Variants in USP34 observed in about 807,000 individuals in gnomAD.
USP34 encodes ubiquitin specific peptidase 34, also known as ubiquitin carboxyl-terminal hydrolase 34.
Under a neutral mutation model 460.3 loss-of-function variants are expected in USP34, and 70 were observed. The observed-to-expected ratio is 0.15, with a 90% CI of 0.13 to 0.19. The LOEUF is 0.19. Among genes scored for constraint, USP34 ranks in the 10% least tolerant of loss-of-function variants. USP34 has a pLI of 1.00. For synonymous variants in USP34, 1,647 were observed against 1,405.3 expected (o/e 1.17, Z -3.85); for missense variants, 3,985 against 4,236.2 (o/e 0.94, Z 1.65).
At position 61,188,577 on chromosome 2, in the gene USP34, T is replaced by C. The variant is rs1272942208; in HGVS notation, c.10166A>G (p.Glu3389Gly). The change falls in exon 80 of 80, where the codon GAG becomes GGG. Residue 3389 changes from glutamate to glycine, a missense_variant. Glu to Gly is a moderately conservative substitution (Grantham distance 98, BLOSUM62 -2). Coordinates refer to ENST00000398571, the MANE Select transcript of USP34 (RefSeq NM_014709.4). Reference sequence around the variant, plus strand: ...ATCAATAATTGAGGAGTCTCTGGTCTCATTGTCAGAAGTGCTCGTTGGGGT... The same window carrying C: ...ATCAATAATTGAGGAGTCTCTGGTCCCATTGTCAGAAGTGCTCGTTGGGGT... ...VLTPTSTSDN[E>G]TRDSSIIDPG... 1 of 1,614,222 alleles carries C rather than the reference T, an allele frequency of 6.2e-7. No homozygotes were observed. The highest frequency in any genetic ancestry group is 1.7e-5 in the Admixed American group (1 of 60,026).
At chr2:61,241,227 G>A (rs1377199222) in intron 53 of USP34, among the ~76,000 whole-genome samples, 1 of 151,702 alleles carries the variant, frequency 6.6e-6, no homozygotes, top group Non-Finnish European at 1.5e-5. Context: ...TATTTTTTAG[G>A]AGAAACAGAG....
At chr2:61,458,288 C>A (rs1374076705) in intron 1 of USP34, among the ~76,000 whole-genome samples, 1 of 151,910 alleles carries the variant, frequency 6.6e-6, no homozygotes, top group Non-Finnish European at 1.5e-5. Context: ...AGGCCAGGCA[C>A]GGGGGTTCAC....
intron 3 of USP34, among the ~76,000 whole-genome samples, chr2:61,405,185 A>G (rs1693830957): frequency 7.0e-6 from 1 of 143,266 alleles, no homozygotes; most frequent in Non-Finnish European, 1.5e-5. Context: ...GTGAACCGAG[A>G]TCACACCACT....
At chr2:61,233,789 T>C (rs1687985601) in intron 57 of USP34, among the ~76,000 whole-genome samples, 1 of 151,396 alleles carries the variant, frequency 6.6e-6, no homozygotes, top group African/African-American at 2.4e-5. Context: ...GAGCTATGAC[T>C]GTGCACCACT....
At chr2:61,210,470 C>T (rs1275837006) in intron 69 of USP34, among the ~76,000 whole-genome samples, 1 of 152,040 alleles carries the variant, frequency 6.6e-6, no homozygotes, top group African/African-American at 2.4e-5. Context: ...GTGTAGCAGG[C>T]GCTACTATCT....
chr2:61,406,934 C>T (rs894852937), intron 2 of USP34, among the ~76,000 whole-genome samples: 2 of 151,956 alleles, frequency 1.3e-5, no homozygotes, highest in Non-Finnish European at 2.9e-5. Flanking sequence ...CACTTGAACC[C>T]GGGAGGCGGA....
chr2:61,409,284 C>T (rs939839045), intron 2 of USP34, among the ~76,000 whole-genome samples: 3 of 150,824 alleles, frequency 2.0e-5, no homozygotes, highest in Admixed American at 1.3e-4. Flanking sequence ...TGGTGGCTCA[C>T]GCCTGTAATC....
intron 10 of USP34, among the ~76,000 whole-genome samples, chr2:61,357,194 A>C (rs2103802918): frequency 6.6e-6 from 1 of 152,342 alleles, no homozygotes; most frequent in East Asian, 1.9e-4. Context: ...ATGCTAGACC[A>C]CAAGTCTCAA....
intron 41 of USP34, among the ~76,000 whole-genome samples, chr2:61,267,512 G>A (rs1047697666): frequency 4.6e-5 from 7 of 150,650 alleles, no homozygotes; most frequent in Non-Finnish European, 8.9e-5. Flanking sequence ...GCACAATCTC[G>A]GCTCACTGCA....
chr2:61,445,816 T>G, intron 1 of USP34, among the ~76,000 whole-genome samples: 1 of 151,558 alleles, frequency 6.6e-6, no homozygotes, highest in East Asian at 2.0e-4. Flanking sequence ...GGCGTGGTGC[T>G]ATGCACGTGT....
At chr2:61,250,788 AAATCAGGCC>A (rs1558491059) in intron 48 of USP34, among the ~76,000 whole-genome samples, 1 of 152,200 alleles carries the variant, frequency 6.6e-6, no homozygotes, top group Non-Finnish European at 1.5e-5. Flanking sequence ...ATAGACACTA[AAATCAGGCC>A]GATCTACAAT....
intron 39 of USP34, among the ~76,000 whole-genome samples, chr2:61,279,219 G>T (rs1177612647): frequency 6.6e-6 from 1 of 151,856 alleles, no homozygotes; most frequent in Admixed American, 6.6e-5. Context: ...TAGATTTTAA[G>T]AATTCAGATG....
At chr2:61,331,445 T>G in intron 19 of USP34, 74 bp from the exon 20 acceptor site, 1 of 1,181,526 alleles carries the variant, frequency 8.5e-7, no homozygotes, top group South Asian at 2.1e-5. Flanking sequence ...TGACAGTAAA[T>G]ATGCAAATCT....
chr2:61,373,052 AC>A (rs1006247071), intron 8 of USP34, among the ~76,000 whole-genome samples: 1 of 152,204 alleles, frequency 6.6e-6, no homozygotes, highest in African/African-American at 2.4e-5. Context: ...CTTATCCCAA[AC>A]AGTAATGGAG....
chr2:61,308,852 G>T (rs1028518356), intron 27 of USP34, among the ~76,000 whole-genome samples: 1 of 152,032 alleles, frequency 6.6e-6, no homozygotes, highest in Non-Finnish European at 1.5e-5. Context: ...ATGAGCCTAG[G>T]CAACATGGTG....
At chr2:61,202,037 A>C (rs563337240) in intron 75 of USP34, among the ~76,000 whole-genome samples, 26 of 152,306 alleles carry the variant, frequency 1.7e-4, no homozygotes, top group Middle Eastern at 3.4e-3. Flanking sequence ...TCCATATATA[A>C]AACCAGCTAA....
chr2:61,441,056 A>AGGC (rs934272174), intron 1 of USP34, among the ~76,000 whole-genome samples: 14 of 150,430 alleles, frequency 9.3e-5, no homozygotes, highest in Non-Finnish European at 1.9e-4. Context: ...TGAAACTGGG[A>AGGC]GGCGGAGCTT....
Position 61,405,785 on chromosome 2 carries a change from G to A in USP34, c.475C>T (p.Leu159=), listed in dbSNP as rs769515886. 1.4e-5 allele frequency: 22 copies of A among 1,608,610 alleles called. No homozygotes were observed. The highest frequency in any genetic ancestry group is 2.7e-5 in the African/African-American group (2 of 74,424). The change falls in exon 3 of 80, where the codon CTA becomes TTA. Residue 159 remains leucine (L), a synonymous_variant. Transcript: ENST00000398571. The part of the protein sequence containing the change: ...WSTDEKEKLL[L]CVAKIFQIQF... ...ATTTGAAAAATTTTTGCCACACATAGTAAGAGTTTTTCCTTCTCATCTGTA... is the reference window on the plus strand; with the variant it reads ...ATTTGAAAAATTTTTGCCACACATAATAAGAGTTTTTCCTTCTCATCTGTA...
At chr2:61,419,629 T>C (rs1018073226) in intron 2 of USP34, among the ~76,000 whole-genome samples, 3 of 152,202 alleles carry the variant, frequency 2.0e-5, no homozygotes, top group African/African-American at 4.8e-5. Context: ...TTTCATTTTA[T>C]TCAGTGGCAA....
Sources: gnomAD v4.1 joint callset for allele counts (sites outside exome capture counted in the v4.1 genomes callset) on GRCh38, gnomAD v4.1.1 for gene constraint, MANE v1.5 for transcripts, NCBI Gene and HGNC (gene_info 2026-07-23, HGNC 2026-07-21) for gene names.